IMPDH2: variants seen among roughly 807,000 people sequenced by gnomAD.
The protein encoded by IMPDH2 is inosine monophosphate dehydrogenase 2.
A neutral mutation model predicts 57.8 loss-of-function variants in IMPDH2; 33 were observed. That is an observed-to-expected ratio of 0.57 (90% CI 0.43 to 0.76). The LOEUF is 0.76. Ranked by LOEUF, IMPDH2 falls within the 30% of genes least tolerant of loss-of-function variation. The probability of loss-of-function intolerance (pLI) is 0.00; values close to 1 mark genes in which losing one functional copy is unlikely to be tolerated. For synonymous variants in IMPDH2, 270 were observed against 241.3 expected (o/e 1.12, Z -1.10); for missense variants, 446 against 659.1 (o/e 0.68, Z 3.54).
chr3:49,026,961 C>T lies in IMPDH2; in HGVS notation c.618G>A (p.Lys206=), dbSNP rs748999653. The T allele has an allele frequency of 6.2e-7, 1 of 1,614,030 alleles. No individual in the cohort carries two copies. The highest frequency in any genetic ancestry group is 1.3e-5 in the African/African-American group (1 of 75,040). The change falls in exon 6 of 14, where the codon AAG becomes AAA. Residue 206 remains lysine, a splice_region_variant and synonymous_variant. Coordinates refer to ENST00000326739, the MANE Select transcript of IMPDH2 (RefSeq NM_000884.3). ...CCCTTTCCCAGCTCTAGGACTTACC[C>T]TTCTTGCTGCGCTGCAGAATTTCAT... is the stretch of plus-strand genomic sequence containing the variant. ...EANEILQRSK[K]GKLPIVNEDD...
In IMPDH2 at chr3:49,025,281, G is replaced by C. The variant is rs757916047; in HGVS notation, c.1007-12C>G. On this transcript the variant is annotated splice_polypyrimidine_tract_variant and intron_variant, in intron 9 of 13. Transcript: ENST00000326739. ...CCCACAGGCCAGCACTGTTGAGATGGAGGAACACATGGGTGGATAGGGTTA... is the reference window on the plus strand; with the variant it reads ...CCCACAGGCCAGCACTGTTGAGATGCAGGAACACATGGGTGGATAGGGTTA... 1.2e-6 allele frequency: 2 copies of C among 1,614,246 alleles called. No individual in the cohort carries two copies. The highest frequency in any genetic ancestry group is 1.7e-6 in the Non-Finnish European group (2 of 1,180,036).
At chr3:49,029,214 G>T in intron 1 of IMPDH2, 39 bp downstream of exon 1, 1 of 1,490,010 alleles carries the variant, frequency 6.7e-7, no homozygotes, top group South Asian at 1.2e-5. Flanking sequence ...CCAGGGTGCC[G>T]CCCCTCTCTT....
At chr3:49,026,115 C>T in intron 9 of IMPDH2, 1 of 676,386 alleles carries the variant, frequency 1.5e-6, no homozygotes, top group Non-Finnish European at 2.7e-6. Context: ...AGAGCAGGAG[C>T]AAGAAGGCCA....
rs1002784462 is a variant in IMPDH2 at position 49,024,589 on chromosome 3, G to A, written c.1440-11C>T. 37 of 1,614,060 alleles carry A rather than the reference G, an allele frequency of 2.3e-5. No homozygotes were observed. Among genetic ancestry groups the A allele is most frequent in the Non-Finnish European group, 3.1e-5 (37 of 1,180,022 alleles). ...GAGTACATCATGGCTCTGAAGAAGGGCAGAGGTCAAATGTGGGTAGCTGGC... is the reference window on the plus strand; with the variant it reads ...GAGTACATCATGGCTCTGAAGAAGGACAGAGGTCAAATGTGGGTAGCTGGC... On this transcript the variant is annotated splice_polypyrimidine_tract_variant and intron_variant, in intron 12 of 13. Coordinates refer to ENST00000326739, the MANE Select transcript of IMPDH2 (RefSeq NM_000884.3).
chr3:49,027,141 C>G, intron 5 of IMPDH2, 94 bp from the exon 6 acceptor site: 1 of 923,408 alleles, frequency 1.1e-6, no homozygotes, highest in South Asian at 1.3e-5. Context: ...CTCAGAGGCA[C>G]GCGCCACCAC....
At chr3:49,025,405 C>T (rs772967758) in intron 9 of IMPDH2, 136 bp from the exon 10 acceptor site, 6 of 877,130 alleles carry the variant, frequency 6.8e-6, no homozygotes, top group Non-Finnish European at 1.1e-5. Flanking sequence ...ACAGACGTGT[C>T]TGGGATGGCT....
At chr3:49,026,445 CAT>C in intron 8 of IMPDH2, 26 bp from the exon 9 acceptor site, 1 of 1,608,966 alleles carries the variant, frequency 6.2e-7, no homozygotes, top group Non-Finnish European at 8.5e-7. Flanking sequence ...GGAAAATGCT[CAT>C]GTGAAGGTTA....
chr3:49,026,380 C>T lies in IMPDH2; in HGVS notation c.950G>A (p.Gly317Asp), dbSNP rs1234235360. 1 of 1,613,898 alleles carries T rather than the reference C, an allele frequency of 6.2e-7. No homozygotes were observed. The highest frequency in any genetic ancestry group is 1.7e-5 in the Admixed American group (1 of 59,980). ...CATGCCCACCCGCAGGGCATCCACA[C>T]CTGCATCAATGAGGTTCTTGGCCTG... is the stretch of plus-strand genomic sequence containing the variant. ...AAQAKNLIDA[G>D]VDALRVGMGS... Residue 317 changes from glycine (G) to aspartate (D), a missense_variant, in exon 9 of 14, where the codon GGT becomes GAT. Physicochemically the swap from Gly to Asp is moderately conservative, Grantham distance 94. Transcript: ENST00000326739.
In IMPDH2 at chr3:49,026,549, ATTT is replaced by A; in HGVS notation, c.877_879del (p.Lys293del). Reference sequence around the variant, plus strand: ...CCTCCAATGACTTGGAGATTAGGGTATTTGTCTTTGATGTACTTGATCATATTG... The same window carrying A: ...CCTCCAATGACTTGGAGATTAGGGTAGTCTTTGATGTACTTGATCATATTG... On this transcript the variant is annotated inframe_deletion, in exon 8 of 14. Transcript: ENST00000326739. The A allele has an allele frequency of 6.2e-7, 1 of 1,613,724 alleles. No individual in the cohort carries two copies. The highest frequency in any genetic ancestry group is 8.5e-7 in the Non-Finnish European group (1 of 1,179,590).
At chr3:49,025,462 A>C (rs968317276) in intron 9 of IMPDH2, 193 bp from the exon 10 acceptor site, 5 of 617,390 alleles carry the variant, frequency 8.1e-6, no homozygotes, top group Non-Finnish European at 1.4e-5. Context: ...GCTGACCTCT[A>C]CTCACCCCCA....
chr3:49,028,051 A>G (rs2093206837), intron 4 of IMPDH2, 135 bp from the exon 5 acceptor site: 2 of 805,676 alleles, frequency 2.5e-6, no homozygotes, highest in East Asian at 5.3e-5. Context: ...CACATCTTAG[A>G]GACATGGGTA....
intron 4 of IMPDH2, 41 bp downstream of exon 4, chr3:49,028,207 A>C: frequency 2.0e-6 from 3 of 1,484,526 alleles, no homozygotes; most frequent in Non-Finnish European, 2.8e-6. Context: ...ACCTCAGTGC[A>C]ATTCCCAGGA....
rs544017988 is a variant in IMPDH2 at position 49,024,348 on chromosome 3, G to GA, written c.*34dup. 1.6e-3 allele frequency: 2,508 copies of GA among 1,575,652 alleles called. 12 individuals carry two copies. Among genetic ancestry groups the GA allele is most frequent in the African/African-American group, 0.012 (915 of 73,652 alleles). On this transcript the variant is annotated 3_prime_UTR_variant, in exon 14 of 14. Transcript: ENST00000326739. ...ACTTTTTTCTTTCTAAACTTTTATT[G>GA]AAAAAAAAACCGAGGAGGTGTGCTG... is the stretch of plus-strand genomic sequence containing the variant.
Position 49,029,236 on chromosome 3 carries a change from G to T in IMPDH2, c.98+17C>A. On this transcript the variant is annotated intron_variant, in intron 1 of 13. Coordinates refer to ENST00000326739, the MANE Select transcript of IMPDH2 (RefSeq NM_000884.3). Reference sequence around the variant, plus strand: ...GCCGCCCCTCTCTTCGCCCAGGTGAGCCCCATAGGCCCGCACTTGTAGGTG... The same window carrying T: ...GCCGCCCCTCTCTTCGCCCAGGTGATCCCCATAGGCCCGCACTTGTAGGTG... 3 of 1,574,422 alleles carry T rather than the reference G, an allele frequency of 1.9e-6. No homozygotes were observed. The South Asian group carries it at 3.4e-5, about 18-fold the overall frequency.
rs1478551887 is a variant in IMPDH2 at position 49,027,032 on chromosome 3, C to G, written c.547G>C (p.Glu183Gln). ...CCTGCAGGGGCTACCACCAAGTCTT[C>G]CCTCTTTGTCATTATCTACGTGGGA... is the stretch of plus-strand genomic sequence containing the variant. Reference protein sequence around the residue: ...CFLEEIMTKREDLVVAPAGIT... With the variant: ...CFLEEIMTKRQDLVVAPAGIT... Residue 183 changes from glutamate to glutamine, a missense_variant, in exon 6 of 14, where the codon GAA (glutamate) becomes CAA (glutamine). Glu to Gln is a conservative substitution (Grantham distance 29). Coordinates refer to ENST00000326739, the MANE Select transcript of IMPDH2 (RefSeq NM_000884.3). The G allele has an allele frequency of 1.2e-6, 2 of 1,613,440 alleles. No homozygotes were observed. Among genetic ancestry groups the G allele is most frequent in the Admixed American group, 3.3e-5 (2 of 60,008 alleles).
At position 49,026,768 on chromosome 3, in the gene IMPDH2, A is replaced by G; in HGVS notation, c.738T>C (p.Cys246=). The G allele has an allele frequency of 6.2e-7, 1 of 1,614,164 alleles. No individual in the cohort carries two copies. Among genetic ancestry groups the G allele is most frequent in the Non-Finnish European group, 8.5e-7 (1 of 1,180,008 alleles). ...CCTCATGAGTGCCAATGGCTGCCCCACACAGCAGCTGTTTCTTGGCATCTT... is the reference window on the plus strand; with the variant it reads ...CCTCATGAGTGCCAATGGCTGCCCCGCACAGCAGCTGTTTCTTGGCATCTT... ...ASKDAKKQLL[C]GAAIGTHEDD... The change falls in exon 7 of 14, where the codon TGT becomes TGC. Residue 246 remains cysteine (C), a synonymous_variant. Transcript: ENST00000326739.
At chr3:49,029,077 C>T (rs1273806396) in intron 1 of IMPDH2, 176 bp downstream of exon 1, 2 of 664,226 alleles carry the variant, frequency 3.0e-6, no homozygotes, top group Non-Finnish European at 5.4e-6. Flanking sequence ...TGAGATGCTT[C>T]TCCGTACCCC....
chr3:49,028,496 TAA>T lies in IMPDH2; in HGVS notation c.182_183del (p.Leu61GlnfsTer37). 1.2e-6 allele frequency: 2 copies of T among 1,614,080 alleles called. No homozygotes were observed. Among genetic ancestry groups the T allele is most frequent in the East Asian group, 2.2e-5 (1 of 44,880 alleles). On this transcript the variant is annotated frameshift_variant, in exon 3 of 14. Transcript: ENST00000326739. LOFTEE classifies it high-confidence loss of function. ...LTSALTKKIT[L>X]KTPLVSSPMD... is the part of the protein sequence containing the mutation. Reference sequence around the variant, plus strand: ...ATGGGAGAGGAAACCAGTGGGGTCTTAAGAGTGATTTTCTTGGTCAGAGCAGA... The same window carrying T: ...ATGGGAGAGGAAACCAGTGGGGTCTTGAGTGATTTTCTTGGTCAGAGCAGA...
chr3:49,028,142 A>G, intron 4 of IMPDH2, 106 bp downstream of exon 4: 3 of 1,015,286 alleles, frequency 3.0e-6, no homozygotes, highest in South Asian at 1.3e-5. Context: ...ACTGAACCCC[A>G]TGGTGGGAAG....
Sources: allele counts gnomAD v4.1 joint callset, GRCh38; gene constraint gnomAD v4.1.1; transcripts MANE v1.5; gene names NCBI Gene and HGNC (gene_info 2026-07-23, HGNC 2026-07-21).